Variants in RAB31 observed in about 807,000 individuals in gnomAD.
RAB31 encodes ras-related protein Rab-31.
RAB31 carries 21 observed loss-of-function variants against 25.6 expected under a neutral mutation model. That is an observed-to-expected ratio of 0.82 (90% CI 0.58 to 1.18). The LOEUF is 1.18. Among genes scored for constraint, RAB31 ranks in the 50% most tolerant of loss-of-function variants. The probability of loss-of-function intolerance (pLI) is 0.00; values close to 1 mark genes in which losing one functional copy is unlikely to be tolerated. For missense variants in RAB31, 196 were observed against 250.1 expected (o/e 0.78, Z 1.46); for synonymous variants, 87 against 84.0 (o/e 1.04, Z -0.20).
At chr18:9,789,381 T>C (rs2068448863) in intron 2 of RAB31, among the ~76,000 whole-genome samples, 1 of 152,178 alleles carries the variant, frequency 6.6e-6, no homozygotes, top group Non-Finnish European at 1.5e-5. Flanking sequence ...AAGAGAGGAT[T>C]TTGGGTGTTC....
intron 5 of RAB31, among the ~76,000 whole-genome samples, chr18:9,832,989 C>CGGGA (rs2068686647): frequency 6.6e-6 from 1 of 152,038 alleles, no homozygotes; most frequent in Non-Finnish European, 1.5e-5. Flanking sequence ...TGGGGTCTCA[C>CGGGA]GGGAGTCCAC....
intron 5 of RAB31, among the ~76,000 whole-genome samples, chr18:9,835,148 A>G (rs962037891): frequency 6.6e-6 from 1 of 152,108 alleles, no homozygotes; most frequent in African/African-American, 2.4e-5. Flanking sequence ...TGTAGCTAAG[A>G]CGGTGTAGGG....
intron 1 of RAB31, among the ~76,000 whole-genome samples, chr18:9,752,687 A>G (rs530281626): frequency 6.6e-6 from 1 of 152,294 alleles, no homozygotes; most frequent in East Asian, 1.9e-4. Context: ...CTATTTCTGT[A>G]TGTTTTATAT....
intron 6 of RAB31, chr18:9,849,511 G>T (rs1449016404): frequency 6.6e-6 from 1 of 152,276 alleles, no homozygotes; most frequent in African/African-American, 2.4e-5. Flanking sequence ...TCTTTTATGG[G>T]TAGGTGCCAT....
intron 5 of RAB31, among the ~76,000 whole-genome samples, chr18:9,820,208 A>G (rs2068618121): frequency 6.6e-6 from 1 of 152,110 alleles, no homozygotes; most frequent in African/African-American, 2.4e-5. Flanking sequence ...ATTCTGTTGA[A>G]GAAATTCCCT....
chr18:9,838,992 T>C (rs1266095299), intron 5 of RAB31, among the ~76,000 whole-genome samples: 2 of 152,206 alleles, frequency 1.3e-5, no homozygotes, highest in East Asian at 3.9e-4. Context: ...TGTCATCTAG[T>C]CATTCAGCAG....
At chr18:9,851,931 A>G (rs933666407) in intron 6 of RAB31, among the ~76,000 whole-genome samples, 29 of 151,276 alleles carry the variant, frequency 1.9e-4, no homozygotes, top group Non-Finnish European at 2.9e-4. Flanking sequence ...ATTTCATAAT[A>G]TATTTCAATA....
intron 1 of RAB31, among the ~76,000 whole-genome samples, chr18:9,734,274 T>A (rs2068139250): frequency 6.6e-6 from 1 of 152,088 alleles, no homozygotes; most frequent in Non-Finnish European, 1.5e-5. Context: ...ATTGTGCAAT[T>A]GAGATGGAAG....
intron 5 of RAB31, among the ~76,000 whole-genome samples, chr18:9,818,979 G>T (rs1159030047): frequency 6.6e-6 from 1 of 152,126 alleles, no homozygotes; most frequent in Non-Finnish European, 1.5e-5. Flanking sequence ...TAGTTGGATT[G>T]TCTTTTTATT....
At chr18:9,722,104 G>C (rs1050656118) in intron 1 of RAB31, among the ~76,000 whole-genome samples, 3 of 152,040 alleles carry the variant, frequency 2.0e-5, no homozygotes, top group Admixed American at 1.3e-4. Context: ...GGTGTAGAAG[G>C]GGGTTAGGTC....
intron 5 of RAB31, among the ~76,000 whole-genome samples, chr18:9,841,265 C>A (rs140084430): frequency 6.6e-6 from 1 of 150,430 alleles, no homozygotes; most frequent in Admixed American, 6.6e-5. Flanking sequence ...TTGGGCCAGG[C>A]GCAGTGGCTC....
chr18:9,733,877 A>C (rs1318825543), intron 1 of RAB31, among the ~76,000 whole-genome samples: 1 of 152,054 alleles, frequency 6.6e-6, no homozygotes, highest in Non-Finnish European at 1.5e-5. Context: ...GACTAGAAAA[A>C]AAATAGGAGG....
At chr18:9,828,808 A>G (rs1415361809) in intron 5 of RAB31, among the ~76,000 whole-genome samples, 1 of 152,214 alleles carries the variant, frequency 6.6e-6, no homozygotes, top group Non-Finnish European at 1.5e-5. Context: ...TAAAAGCACT[A>G]AAGCCAGTGA....
chr18:9,856,023 C>G (rs1229200427), intron 6 of RAB31: 1 of 152,158 alleles, frequency 6.6e-6, no homozygotes. Flanking sequence ...TTTTAAATAA[C>G]TGGTCCAAGT....
intron 5 of RAB31, among the ~76,000 whole-genome samples, chr18:9,840,499 C>T (rs2143125767): frequency 6.6e-6 from 1 of 152,314 alleles, no homozygotes; most frequent in African/African-American, 2.4e-5. Context: ...TGAAGTGCAG[C>T]TGGAGTTCTC....
intron 6 of RAB31, among the ~76,000 whole-genome samples, chr18:9,849,241 T>A (rs1368275257): frequency 1.3e-5 from 2 of 152,190 alleles, no homozygotes; most frequent in East Asian, 3.9e-4. Context: ...TTTAATTGAT[T>A]CTCCAAGCGT....
intron 3 of RAB31, among the ~76,000 whole-genome samples, chr18:9,806,554 G>GGGGCCCAAGAAGGGACCAGGGC (rs1013752353): frequency 6.6e-6 from 1 of 152,058 alleles, no homozygotes; most frequent in African/African-American, 2.4e-5. Flanking sequence ...AAGCAGGGGA[G>GGGGCCCAAGAAGGGACCAGGGC]GGGCCCAAGA....
At chr18:9,840,357 T>C (rs1230690783) in intron 5 of RAB31, among the ~76,000 whole-genome samples, 2 of 152,136 alleles carry the variant, frequency 1.3e-5, no homozygotes, top group Non-Finnish European at 2.9e-5. Flanking sequence ...GCCCAGCATA[T>C]AGTAAACCCT....
At position 9,862,192 on chromosome 18, in the gene RAB31, C is replaced by G. The variant is rs2068851992; in HGVS notation, c.*2867C>G. 6.6e-6 allele frequency: 1 copy of G among 152,266 alleles called. No homozygotes were observed. Among genetic ancestry groups the G allele is most frequent in the South Asian group, 2.1e-4 (1 of 4,830 alleles). The allele number at this position is 152,266 out of a possible 1,614,324, so 9.4% of individuals were successfully genotyped here. On this transcript the variant is annotated 3_prime_UTR_variant, in exon 7 of 7. Transcript: ENST00000578921. ...TGTGTGGGCTCCAGTTCTCACTGTT[C>G]TGCAATGCTCATGGCAAGTTGAATG...
Sources: allele counts gnomAD v4.1 joint callset (sites outside exome capture counted in the v4.1 genomes callset), GRCh38; gene constraint gnomAD v4.1.1; transcripts MANE v1.5; gene names NCBI Gene and HGNC (gene_info 2026-07-23, HGNC 2026-07-21).